TLK2: variants seen among roughly 807,000 people sequenced by gnomAD.
TLK2 encodes the protein serine/threonine-protein kinase tousled-like 2.
A neutral mutation model predicts 117.3 loss-of-function variants in TLK2; 6 were observed. The observed-to-expected ratio is 0.05, with a 90% CI of 0.03 to 0.10. TLK2 has a LOEUF of 0.10. Among genes scored for constraint, TLK2 ranks in the 10% least tolerant of loss-of-function variants. The pLI is 1.00. For missense variants in TLK2, 299 were observed against 901.2 expected, an observed-to-expected ratio of 0.33 and a Z score of 8.56; for synonymous variants, 257 against 316.7, an observed-to-expected ratio of 0.81 and a Z score of 2.00.
chr17:62,522,314 T>G, intron 4 of TLK2, 41 bp downstream of exon 4: 1 of 1,572,876 alleles, frequency 6.4e-7, no homozygotes, highest in Non-Finnish European at 8.7e-7. Flanking sequence ...TCAATTCTAA[T>G]GTACTTAGAT....
chr17:62,557,904 C>G (rs2078977683), intron 9 of TLK2, among the ~76,000 whole-genome samples: 1 of 152,186 alleles, frequency 6.6e-6, no homozygotes, highest in South Asian at 2.1e-4. Context: ...ACTCCGTCGT[C>G]TTCAGACTGT....
intron 9 of TLK2, among the ~76,000 whole-genome samples, chr17:62,557,882 A>T (rs1467672148): frequency 6.6e-6 from 1 of 152,164 alleles, no homozygotes; most frequent in Non-Finnish European, 1.5e-5. Flanking sequence ...TTCACTCACT[A>T]CTGTCCCTTC....
chr17:62,570,299 G>T (rs1469507207), intron 11 of TLK2, among the ~76,000 whole-genome samples: 1 of 152,138 alleles, frequency 6.6e-6, no homozygotes, highest in Non-Finnish European at 1.5e-5. Context: ...ATTTAGATTT[G>T]AATGAGATGG....
chr17:62,549,170 G>A (rs2078188070), intron 7 of TLK2, among the ~76,000 whole-genome samples: 1 of 148,320 alleles, frequency 6.7e-6, no homozygotes, highest in Non-Finnish European at 1.5e-5. Context: ...GAGGTGGGGG[G>A]ATCATGAGGT....
In TLK2 at chr17:62,602,250, G is replaced by A. The variant is rs2082925057; in HGVS notation, c.1859+70G>A. On this transcript the variant is annotated intron_variant, in intron 19 of 21. Coordinates refer to ENST00000346027, the MANE Select transcript of TLK2 (RefSeq NM_006852.6). ...TCTGCTATGCTGAAGTGTTGATAATGAATTAATTGCTGTATGCTATCTGCT... is the reference window on the plus strand; with the variant it reads ...TCTGCTATGCTGAAGTGTTGATAATAAATTAATTGCTGTATGCTATCTGCT... 3 of 1,510,034 alleles carry A rather than the reference G, an allele frequency of 2.0e-6. No homozygotes were observed. In the African/African-American group the frequency reaches 4.2e-5, roughly 21 times the overall value. The allele number at this position is 1,510,034 out of a possible 1,614,324, so 93.5% of individuals were successfully genotyped here. A position where few individuals can be genotyped will look rare whatever the true frequency, so the allele number is the denominator to read the frequency against.
At chr17:62,480,777 T>G (rs2071548281) in intron 1 of TLK2, among the ~76,000 whole-genome samples, 1 of 152,350 alleles carries the variant, frequency 6.6e-6, no homozygotes, top group South Asian at 2.1e-4. Context: ...GAAGGAATTT[T>G]CTTTTTGCAG....
chr17:62,560,812 C>T (rs1464092010), intron 10 of TLK2, among the ~76,000 whole-genome samples: 1 of 151,930 alleles, frequency 6.6e-6, no homozygotes, highest in African/African-American at 2.4e-5. Flanking sequence ...CGCCACCATG[C>T]CCGGCCAATT....
chr17:62,569,719 G>A (rs1038828247), intron 11 of TLK2, among the ~76,000 whole-genome samples: 1 of 151,908 alleles, frequency 6.6e-6, no homozygotes, highest in African/African-American at 2.4e-5. Context: ...GAGCCACCGC[G>A]CCCGGCCACA....
At chr17:62,567,761 T>C (rs1396405884) in intron 11 of TLK2, among the ~76,000 whole-genome samples, 2 of 152,172 alleles carry the variant, frequency 1.3e-5, no homozygotes. Flanking sequence ...ATTTAAAAAA[T>C]GAATCAGATA....
intron 15 of TLK2, among the ~76,000 whole-genome samples, chr17:62,583,161 G>A (rs1310601612): frequency 1.3e-5 from 2 of 151,924 alleles, no homozygotes; most frequent in Non-Finnish European, 2.9e-5. Context: ...GTGCAATCTC[G>A]GCTCACTGCA....
Position 62,520,762 on chromosome 17 carries a change from T to G in TLK2, c.82-11T>G. 6.2e-7 allele frequency: 1 copy of G among 1,610,630 alleles called. No individual in the cohort carries two copies. ...TAAAATTTATTTATTTATGATTTTT[T>G]TTTCTTTCAGGGACCACTTAATAGT... On this transcript the variant is annotated splice_polypyrimidine_tract_variant and intron_variant, in intron 2 of 21. Transcript: ENST00000346027.
intron 10 of TLK2, among the ~76,000 whole-genome samples, chr17:62,561,558 T>C (rs2079278952): frequency 6.6e-6 from 1 of 152,210 alleles, no homozygotes; most frequent in Non-Finnish European, 1.5e-5. Context: ...ATGACAATAT[T>C]ACAAGAACAA....
At chr17:62,510,369 T>G (rs1307542048) in intron 2 of TLK2, among the ~76,000 whole-genome samples, 1 of 152,192 alleles carries the variant, frequency 6.6e-6, no homozygotes, top group Non-Finnish European at 1.5e-5. Flanking sequence ...CCAGATAGCC[T>G]TGGTTCAGAT....
intron 2 of TLK2, among the ~76,000 whole-genome samples, chr17:62,482,431 C>T (rs2873802): frequency 1.3e-4 from 19 of 148,832 alleles, no homozygotes; most frequent in East Asian, 2.0e-4. Flanking sequence ...TTTGGTGAGC[C>T]GGGATAGCTT....
At chr17:62,536,092 T>G in intron 6 of TLK2, 78 bp from the exon 7 acceptor site, 1 of 1,506,736 alleles carries the variant, frequency 6.6e-7, no homozygotes, top group African/African-American at 1.4e-5. Context: ...TTGATAACTG[T>G]TTTTAACCCG....
In TLK2 at chr17:62,536,187, C is replaced by G; in HGVS notation, c.381C>G (p.Pro127=). ...TTTTCCAGCGACGAGTAGAACAGCCCCTCTATGGTTTAGATGGCAGTGCTG... is the reference window on the plus strand; with the variant it reads ...TTTTCCAGCGACGAGTAGAACAGCCGCTCTATGGTTTAGATGGCAGTGCTG... ...SNPLPRRVEQ[P]LYGLDGSAAK... is the part of the protein sequence containing the mutation. The change falls in exon 7 of 22, where the codon CCC becomes CCG. Residue 127 remains proline, a synonymous_variant. Coordinates refer to ENST00000346027, the MANE Select transcript of TLK2 (RefSeq NM_006852.6). 2 of 1,611,376 alleles carry G rather than the reference C, an allele frequency of 1.2e-6. No homozygotes were observed. Among genetic ancestry groups the G allele is most frequent in the Non-Finnish European group, 1.7e-6 (2 of 1,179,262 alleles).
intron 10 of TLK2, chr17:62,560,364 T>C (rs990241233): frequency 8.6e-6 from 2 of 232,782 alleles, no homozygotes; most frequent in African/African-American, 4.6e-5. Context: ...CAGAGACAGC[T>C]TGTCCTAGTT....
chr17:62,474,972 T>C (rs1299668257), upstream of TLK2, among the ~76,000 whole-genome samples: 1 of 152,122 alleles, frequency 6.6e-6, no homozygotes, highest in Non-Finnish European at 1.5e-5. Context: ...GGCTCCTGTC[T>C]ATGGCGGAGG....
At chr17:62,554,014 A>G (rs1222060963) in intron 9 of TLK2, among the ~76,000 whole-genome samples, 1 of 152,182 alleles carries the variant, frequency 6.6e-6, no homozygotes, top group African/African-American at 2.4e-5. Flanking sequence ...GGAGTGTTAT[A>G]TTTCATCTAG....
Sources: allele counts gnomAD v4.1 joint callset (sites outside exome capture counted in the v4.1 genomes callset), GRCh38; gene constraint gnomAD v4.1.1; transcripts MANE v1.5; gene names NCBI Gene and HGNC (gene_info 2026-07-23, HGNC 2026-07-21).